STPG2: variants seen among roughly 807,000 people sequenced by gnomAD.
STPG2 encodes the protein sperm-tail PG-rich repeat-containing protein 2.
In STPG2, 56 loss-of-function variants were observed where a neutral mutation model predicts 54.2. The ratio of observed to expected loss-of-function variants is 1.03; its 90% CI spans 0.83 to 1.29. The LOEUF (loss-of-function observed/expected upper bound fraction) is 1.29. STPG2 is among the 50% of genes most tolerant of loss of function. The pLI is 0.00. For missense variants in STPG2, 596 were observed against 544.9 expected, an observed-to-expected ratio of 1.09 and a Z score of -0.93; for synonymous variants, 200 against 181.8, an observed-to-expected ratio of 1.10 and a Z score of -0.81.
At chr4:97,484,349 A>G (rs572694746) in intron 4 of STPG2, among the ~76,000 whole-genome samples, 95 of 151,944 alleles carry the variant, frequency 6.3e-4, no homozygotes, top group Non-Finnish European at 1.0e-3. Context: ...AGAAAATCCA[A>G]ATAACCTCAT....
chr4:97,562,926 G>A lies in STPG2; in HGVS notation c.1321-3809C>T, dbSNP rs189003887. Among the ~76,000 whole-genome samples the A allele has an allele frequency of 3.4e-3, 525 of 152,198 alleles. 4 individuals carry two copies. Among genetic ancestry groups the A allele is most frequent in the African/African-American group, 0.012 (488 of 41,530 alleles). On this transcript the variant is annotated intron_variant, in intron 10 of 10. Transcript: ENST00000295268. ...CTCTTTTTTGGTTGTGTCTCTGCCT[G>A]GATTTGGTATCAGGATGATGCTGGC...
At chr4:98,137,182 A>C (rs1461259627) in intron 1 of STPG2, among the ~76,000 whole-genome samples, 1 of 151,836 alleles carries the variant, frequency 6.6e-6, no homozygotes, top group Non-Finnish European at 1.5e-5. Flanking sequence ...GAATCCAAAA[A>C]GCTGGAGTGC....
At chr4:97,531,562 A>T (rs562279550) in intron 4 of STPG2, among the ~76,000 whole-genome samples, 41 of 152,332 alleles carry the variant, frequency 2.7e-4, no homozygotes, top group Middle Eastern at 3.4e-3. Context: ...TTGCAACAAC[A>T]TTGATGGAAA....
At chr4:97,874,834 G>A (rs1453545442) in intron 8 of STPG2, among the ~76,000 whole-genome samples, 1 of 151,480 alleles carries the variant, frequency 6.6e-6, no homozygotes, top group East Asian at 1.9e-4. Context: ...TGTGACTAGT[G>A]ATCATTTAAA....
At chr4:98,069,130 G>A (rs1003639009) in intron 5 of STPG2, among the ~76,000 whole-genome samples, 10 of 152,036 alleles carry the variant, frequency 6.6e-5, no homozygotes, top group Non-Finnish European at 1.3e-4. Flanking sequence ...GTGCAATTTA[G>A]TATAATGGAT....
chr4:98,052,146 A>G (rs1276839317), intron 5 of STPG2, among the ~76,000 whole-genome samples: 4 of 152,100 alleles, frequency 2.6e-5, no homozygotes, highest in Non-Finnish European at 1.5e-5. Flanking sequence ...TTATCTCCCA[A>G]AAATTTCTCA....
intron 4 of STPG2, among the ~76,000 whole-genome samples, chr4:97,539,915 T>C (rs1178977019): frequency 6.6e-6 from 1 of 152,188 alleles, no homozygotes; most frequent in African/African-American, 2.4e-5. Flanking sequence ...AATAAAGATT[T>C]CTTTGAAACC....
chr4:97,846,501 T>G lies in STPG2; in HGVS notation c.1045-5569A>C, dbSNP rs960714110. 2.6e-5 allele frequency among the ~76,000 whole-genome samples: 4 copies of G among 151,884 alleles called. No homozygotes were observed. The East Asian group carries it at 7.8e-4, about 30-fold the overall frequency. On this transcript the variant is annotated intron_variant, in intron 8 of 10. Transcript: ENST00000295268. Reference sequence around the variant, plus strand: ...TTAGCCAGGCGTGGTGGCATGTGCCTGTAATCCCAGCTACTCAGGAGGCTG... The same window carrying G: ...TTAGCCAGGCGTGGTGGCATGTGCCGGTAATCCCAGCTACTCAGGAGGCTG...
At chr4:97,443,895 T>C (rs1303731590) in intron 4 of STPG2, among the ~76,000 whole-genome samples, 2 of 152,180 alleles carry the variant, frequency 1.3e-5, no homozygotes, top group African/African-American at 4.8e-5. Flanking sequence ...TGGAGATATC[T>C]ATCACAGATT....
At chr4:97,593,420 C>G (rs1376301049) in intron 10 of STPG2, among the ~76,000 whole-genome samples, 1 of 152,180 alleles carries the variant, frequency 6.6e-6, no homozygotes, top group South Asian at 2.1e-4. Flanking sequence ...GTCAGCGCAT[C>G]CTGGGTCTCG....
chr4:97,589,662 T>C (rs964481645), intron 10 of STPG2, among the ~76,000 whole-genome samples: 7 of 152,146 alleles, frequency 4.6e-5, no homozygotes, highest in Admixed American at 2.0e-4. Context: ...AAATGCACCA[T>C]AGGCAATATA....
chr4:97,994,285 C>T (rs1735125936), intron 5 of STPG2, among the ~76,000 whole-genome samples: 1 of 152,050 alleles, frequency 6.6e-6, no homozygotes, highest in African/African-American at 2.4e-5. Context: ...TTGAGGGATC[C>T]CTTTGGAATT....
chr4:97,790,477 G>A (rs1232135909), intron 9 of STPG2, among the ~76,000 whole-genome samples: 1 of 152,054 alleles, frequency 6.6e-6, no homozygotes, highest in East Asian at 1.9e-4. Context: ...TCCTTTTCTG[G>A]ATTCTAGAAG....
chr4:98,000,974 T>C (rs1735395262), intron 5 of STPG2, among the ~76,000 whole-genome samples: 1 of 152,182 alleles, frequency 6.6e-6, no homozygotes, highest in Non-Finnish European at 1.5e-5. Flanking sequence ...TTTTACTGTA[T>C]ATTAGTATTG....
At chr4:97,791,163 T>C (rs903127574) in intron 9 of STPG2, among the ~76,000 whole-genome samples, 1 of 152,150 alleles carries the variant, frequency 6.6e-6, no homozygotes, top group Non-Finnish European at 1.5e-5. Flanking sequence ...GAGAGCTTTT[T>C]GGAAAAGGTG....
chr4:97,566,818 T>C (rs2148880273), intron 10 of STPG2, among the ~76,000 whole-genome samples: 1 of 142,816 alleles, frequency 7.0e-6, no homozygotes, highest in Non-Finnish European at 1.5e-5. Context: ...CACTCATAGG[T>C]AGGAACTGAA....
chr4:97,725,832 CG>C (rs1724605886), intron 9 of STPG2, among the ~76,000 whole-genome samples: 1 of 151,364 alleles, frequency 6.6e-6, no homozygotes, highest in African/African-American at 2.4e-5. Flanking sequence ...GATATTCAGC[CG>C]TAGATATATT....
chr4:97,981,591 T>G (rs1014582436), intron 5 of STPG2, among the ~76,000 whole-genome samples: 3 of 151,958 alleles, frequency 2.0e-5, no homozygotes, highest in African/African-American at 7.2e-5. Flanking sequence ...CATGAGACTC[T>G]AGATGATAGT....
chr4:97,745,842 CAAAAT>C (rs747364294), intron 9 of STPG2, among the ~76,000 whole-genome samples: 34 of 151,022 alleles, frequency 2.3e-4, no homozygotes, highest in African/African-American at 8.0e-4. Flanking sequence ...AGAAGACTAA[CAAAAT>C]AAAAGTTCTC....
Sources: gnomAD v4.1 joint callset for allele counts (sites outside exome capture counted in the v4.1 genomes callset) on GRCh38, gnomAD v4.1.1 for gene constraint, MANE v1.5 for transcripts, NCBI Gene and HGNC (gene_info 2026-07-23, HGNC 2026-07-21) for gene names.